Variants in ITGA9 observed in about 807,000 individuals in gnomAD.
The protein encoded by ITGA9 is integrin subunit alpha 9.
Under a neutral mutation model 127.8 loss-of-function variants are expected in ITGA9, and 56 were observed. The ratio of observed to expected loss-of-function variants is 0.44; its 90% CI spans 0.35 to 0.55. The LOEUF (loss-of-function observed/expected upper bound fraction) is 0.55. Among genes scored for constraint, ITGA9 ranks in the 20% least tolerant of loss-of-function variants. The pLI, the probability that ITGA9 is intolerant of heterozygous loss-of-function variation, is 0.00. For synonymous variants in ITGA9, 508 were observed against 514.5 expected (o/e 0.99, Z 0.17); for missense variants, 1,196 against 1,347.1 (o/e 0.89, Z 1.76).
At chr3:37,689,074 G>C (rs1000939487) in intron 18 of ITGA9, among the ~76,000 whole-genome samples, 1 of 147,714 alleles carries the variant, frequency 6.8e-6, no homozygotes, top group Non-Finnish European at 1.5e-5. Flanking sequence ...GGGTGGGCGG[G>C]TAGGTGGATG....
At chr3:37,638,389 A>G (rs1700301031) in intron 16 of ITGA9, among the ~76,000 whole-genome samples, 1 of 151,434 alleles carries the variant, frequency 6.6e-6, no homozygotes, top group South Asian at 2.1e-4. Flanking sequence ...AAGATTGTCC[A>G]GGAGCCTGAG....
rs571635496 is a variant in ITGA9 at position 37,586,567 on chromosome 3, A to G, written c.1690-42620A>G. 2.6e-5 allele frequency among the ~76,000 whole-genome samples: 4 copies of G among 152,366 alleles called. No homozygotes were observed. In the East Asian group the frequency reaches 7.7e-4, roughly 29 times the overall value. On this transcript the variant is annotated intron_variant, in intron 15 of 27. Transcript: ENST00000264741. ...AGTTCTGCAGAAAGCCATGCCTAGA[A>G]AATTTATAATTACTCTGATACCAGA... is the stretch of plus-strand genomic sequence containing the variant.
At chr3:37,668,553 G>T (rs574265197) in intron 17 of ITGA9, among the ~76,000 whole-genome samples, 39 of 152,282 alleles carry the variant, frequency 2.6e-4, no homozygotes, top group Non-Finnish European at 4.7e-4. Flanking sequence ...TAAGATTTTT[G>T]CAGTTTATTC....
chr3:37,760,519 A>G (rs1388642483), intron 23 of ITGA9, among the ~76,000 whole-genome samples: 1 of 152,202 alleles, frequency 6.6e-6, no homozygotes, highest in East Asian at 1.9e-4. Context: ...GAGAAAGACG[A>G]TAGAGAAAAG....
chr3:37,515,751 G>T (rs1232390591), intron 9 of ITGA9, among the ~76,000 whole-genome samples: 1 of 152,038 alleles, frequency 6.6e-6, no homozygotes, highest in Non-Finnish European at 1.5e-5. Flanking sequence ...TAGTCAACAA[G>T]CCAACAAGCA....
chr3:37,490,601 G>T (rs1698659579), intron 4 of ITGA9, among the ~76,000 whole-genome samples: 1 of 152,144 alleles, frequency 6.6e-6, no homozygotes, highest in South Asian at 2.1e-4. Context: ...GTTTTATCCT[G>T]GTCTTTTGGA....
chr3:37,452,351 G>A lies in ITGA9; in HGVS notation c.-24G>A, dbSNP rs1698200588. ...CTCGGCGCCCTGCTCGCCGGGCAGA[G>A]GGGAAGGCGGCGGCCGGCTGGGGAT... On this transcript the variant is annotated 5_prime_UTR_variant, in exon 1 of 28. Transcript: ENST00000264741. The surrounding 1 kb of genome is among the most constrained non-coding windows in gnomAD (Gnocchi z 7.3). 8.8e-7 allele frequency: 1 copy of A among 1,140,734 alleles called. No homozygotes were observed. The highest frequency in any genetic ancestry group is 1.1e-6 in the Non-Finnish European group (1 of 932,426). The allele number at this position is 1,140,734 out of a possible 1,614,324, so 70.7% of individuals were successfully genotyped here. A position where few individuals can be genotyped will look rare whatever the true frequency, so the allele number is the denominator to read the frequency against.
At chr3:37,502,779 CA>C (rs1007185512) in intron 5 of ITGA9, among the ~76,000 whole-genome samples, 26 of 152,258 alleles carry the variant, frequency 1.7e-4, no homozygotes, top group African/African-American at 6.0e-4. Context: ...GCCTGGAGTC[CA>C]GGCAGGGTGC....
chr3:37,667,665 G>T (rs1474677935), intron 17 of ITGA9, among the ~76,000 whole-genome samples: 1 of 152,220 alleles, frequency 6.6e-6, no homozygotes, highest in South Asian at 2.1e-4. Context: ...GCATTGATGT[G>T]GGGTAGAGAC....
chr3:37,508,254 CTT>C (rs1698865596), intron 7 of ITGA9, among the ~76,000 whole-genome samples: 1 of 152,146 alleles, frequency 6.6e-6, no homozygotes, highest in Non-Finnish European at 1.5e-5. Flanking sequence ...AAAATACTAG[CTT>C]TTTCTCAGAG....
chr3:37,615,347 G>A (rs1157017072), intron 15 of ITGA9, among the ~76,000 whole-genome samples: 7 of 152,198 alleles, frequency 4.6e-5, no homozygotes, highest in Non-Finnish European at 1.0e-4. Flanking sequence ...GGCTTTTGAT[G>A]TGCTGCTGGA....
At chr3:37,606,813 G>A (rs890636019) in intron 15 of ITGA9, among the ~76,000 whole-genome samples, 6 of 152,010 alleles carry the variant, frequency 3.9e-5, no homozygotes, top group South Asian at 2.1e-4. Context: ...CCTCAGCTGT[G>A]ACTGTGGAGA....
At chr3:37,729,700 CTTTTTTTTTTT>C (rs34875348) in intron 18 of ITGA9, among the ~76,000 whole-genome samples, 3 of 84,122 alleles carry the variant, frequency 3.6e-5, no homozygotes, top group African/African-American at 9.2e-5. Context: ...TTTTTGATTT[CTTTTTTTTTTT>C]TTTTTTTTTT....
At chr3:37,548,389 A>G (rs947817743) in intron 15 of ITGA9, among the ~76,000 whole-genome samples, 8 of 152,224 alleles carry the variant, frequency 5.3e-5, no homozygotes, top group Non-Finnish European at 7.3e-5. Context: ...TAGCGGTTGT[A>G]TGGTTGCATT....
At chr3:37,546,726 T>C (rs1699329992) in intron 15 of ITGA9, among the ~76,000 whole-genome samples, 1 of 152,154 alleles carries the variant, frequency 6.6e-6, no homozygotes, top group Non-Finnish European at 1.5e-5. Flanking sequence ...AGGCTTCTGA[T>C]ATGGAGTGGG....
At chr3:37,723,441 A>G (rs531255738) in intron 18 of ITGA9, among the ~76,000 whole-genome samples, 9 of 152,204 alleles carry the variant, frequency 5.9e-5, no homozygotes, top group Non-Finnish European at 1.3e-4. Context: ...GCTCACTGCA[A>G]TCTCCGCCTG....
chr3:37,554,098 C>A (rs1291009477), intron 15 of ITGA9, among the ~76,000 whole-genome samples: 2 of 151,870 alleles, frequency 1.3e-5, no homozygotes, highest in Admixed American at 6.5e-5. Flanking sequence ...AGTTTATATC[C>A]CAGTAGGGGG....
intron 15 of ITGA9, among the ~76,000 whole-genome samples, chr3:37,553,151 G>A (rs368291601): frequency 1.4e-4 from 22 of 151,976 alleles, no homozygotes; most frequent in South Asian, 4.2e-4. Context: ...CTATCTATTC[G>A]TACTTCTTAC....
chr3:37,503,199 C>G lies in ITGA9; in HGVS notation c.634C>G (p.Pro212Ala), dbSNP rs1371020980. 1.9e-6 allele frequency: 3 copies of G among 1,613,898 alleles called. No individual in the cohort carries two copies. The highest frequency in any genetic ancestry group is 2.5e-6 in the Non-Finnish European group (3 of 1,179,900). The change falls in exon 6 of 28, where the codon CCA becomes GCA. Residue 212 changes from proline to alanine, a missense_variant. Coordinates refer to ENST00000264741, the MANE Select transcript of ITGA9 (RefSeq NM_002207.3). The stretch of plus-strand genomic sequence containing the variant: ...GTAGGAGCTGGTGGTGATGGGTGCT[C>G]CAGGGTCATTTTATTGGGCTGGAAC... The part of the protein sequence containing the change: ...FTEELVVMGA[P>A]GSFYWAGTIK...
Sources: gnomAD v4.1 joint callset for allele counts (sites outside exome capture counted in the v4.1 genomes callset) on GRCh38, gnomAD v4.1.1 for gene constraint, Gnocchi (gnomAD v3.1) non-coding constraint, MANE v1.5 for transcripts, NCBI Gene and HGNC (gene_info 2026-07-23, HGNC 2026-07-21) for gene names.